RNPEP: variants seen among roughly 807,000 people sequenced by gnomAD.
The protein encoded by RNPEP is aminopeptidase B.
RNPEP carries 57 observed loss-of-function variants against 70.1 expected under a neutral mutation model. The observed-to-expected ratio is 0.81, with a 90% confidence interval of 0.66 to 1.01. The LOEUF (loss-of-function observed/expected upper bound fraction) is 1.01. Ranked by LOEUF, RNPEP falls within the 50% of genes least tolerant of loss-of-function variation. RNPEP has a pLI of 0.00. For missense variants in RNPEP, 787 were observed against 852.4 expected (o/e 0.92, Z 0.96); for synonymous variants, 335 against 357.4 (o/e 0.94, Z 0.71).
chr1:201,982,663 G>A lies in RNPEP; in HGVS notation c.-4G>A. On this transcript the variant is annotated 5_prime_UTR_variant, in exon 1 of 11. Transcript: ENST00000295640. Reference sequence around the variant, plus strand: ...CCCGGCCGGTGAGCAACGGCTCTGCGGCCATGGCGAGCGGCGAGCATTCCC... The same window carrying A: ...CCCGGCCGGTGAGCAACGGCTCTGCAGCCATGGCGAGCGGCGAGCATTCCC... 2 of 1,343,402 alleles carry A rather than the reference G, an allele frequency of 1.5e-6. No individual in the cohort carries two copies. The highest frequency in any genetic ancestry group is 1.9e-6 in the Non-Finnish European group (2 of 1,045,234). 83.2% of individuals were successfully genotyped at this position (1,343,402 alleles called of 1,614,324 possible). A position where few individuals can be genotyped will look rare whatever the true frequency, so the allele number is the denominator to read the frequency against.
chr1:201,989,676 A>AGCT, intron 3 of RNPEP, 145 bp downstream of exon 3: 1 of 769,762 alleles, frequency 1.3e-6, no homozygotes. Flanking sequence ...ATGCAGCATG[A>AGCT]GCACAGCTGG....
At position 201,997,303 on chromosome 1, in the gene RNPEP, C is replaced by T; in HGVS notation, c.855-16C>T. ...GGAAGCCAGGGCCTCTTGGTGACCT[C>T]CCCGCTTCTCGGCAGGTATGACTTG... is the stretch of plus-strand genomic sequence containing the variant. On this transcript the variant is annotated splice_polypyrimidine_tract_variant and intron_variant, in intron 4 of 10. Coordinates refer to ENST00000295640, the MANE Select transcript of RNPEP (RefSeq NM_020216.4). 6.2e-7 allele frequency: 1 copy of T among 1,608,616 alleles called. No homozygotes were observed. The highest frequency in any genetic ancestry group is 8.5e-7 in the Non-Finnish European group (1 of 1,174,994).
rs1683823748 is a variant in RNPEP at position 202,001,767 on chromosome 1, G to C, written c.1426G>C (p.Gly476Arg). 4.5e-6 allele frequency: 7 copies of C among 1,540,146 alleles called. No homozygotes were observed. Among genetic ancestry groups the C allele is most frequent in the Middle Eastern group, 1.7e-4 (1 of 5,936 alleles). Residue 476 changes from glycine (G) to arginine (R), a missense_variant and splice_region_variant, in exon 8 of 11, where the codon GGT (glycine) becomes CGT (arginine). Coordinates refer to ENST00000295640, the MANE Select transcript of RNPEP (RefSeq NM_020216.4). ...LKKKRVDIIP[G>R]FEFDRWLNTP... is the part of the protein sequence containing the mutation. ...GAAAAAGAGAGTGGATATCATTCCA[G>C]GTAAGCAGAGGAACTGGCCCACAGG...
rs1683905988 is a variant in RNPEP, at chr1:202,003,264, C to T, written c.1454C>T (p.Thr485Ile). The stretch of plus-strand genomic sequence containing the variant: ...TTTGAGTTTGATCGATGGCTGAATA[C>T]CCCCGGCTGGCCCCCGTACCTCCCT... Reference protein sequence around the residue: ...PGFEFDRWLNTPGWPPYLPDL... With the variant: ...PGFEFDRWLNIPGWPPYLPDL... The change falls in exon 9 of 11, where the codon ACC becomes ATC. Residue 485 changes from threonine (T) to isoleucine (I), a missense_variant. By Grantham distance (89) the Thr-to-Ile change is moderately conservative (BLOSUM62 -1). Transcript: ENST00000295640. The T allele has an allele frequency of 3.1e-6, 5 of 1,613,106 alleles. No homozygotes were observed. In the South Asian group the frequency reaches 3.3e-5, roughly 11 times the overall value.
chr1:201,985,291 T>G (rs1683095673), intron 1 of RNPEP, among the ~76,000 whole-genome samples: 1 of 152,078 alleles, frequency 6.6e-6, no homozygotes, highest in African/African-American at 2.4e-5. Flanking sequence ...TCTTATTGAC[T>G]GGTATAGTGG....
chr1:201,991,796 T>C (rs1328189573), intron 3 of RNPEP, among the ~76,000 whole-genome samples: 3 of 152,182 alleles, frequency 2.0e-5, no homozygotes, highest in African/African-American at 7.2e-5. Flanking sequence ...TGGATGACTG[T>C]CTTAAACCTT....
At chr1:202,004,762 G>T (rs764735686) in intron 10 of RNPEP, among the ~76,000 whole-genome samples, 2 of 152,264 alleles carry the variant, frequency 1.3e-5, no homozygotes, top group African/African-American at 2.4e-5. Flanking sequence ...CAGAGCCAAC[G>T]CAGAGGCGGG....
At chr1:201,989,073 C>A in intron 2 of RNPEP, 29 bp downstream of exon 2, 1 of 1,596,774 alleles carries the variant, frequency 6.3e-7, no homozygotes, top group East Asian at 2.2e-5. Context: ...GGTGCACCTG[C>A]CCTTGGGATG....
chr1:201,998,707 C>T (rs994494701), intron 5 of RNPEP, among the ~76,000 whole-genome samples: 1 of 151,978 alleles, frequency 6.6e-6, no homozygotes, highest in Middle Eastern at 3.2e-3. Context: ...TATTTTTATC[C>T]CATTGTACAG....
intron 3 of RNPEP, among the ~76,000 whole-genome samples, chr1:201,994,014 CAT>C (rs898177544): frequency 2.0e-5 from 3 of 151,480 alleles, no homozygotes; most frequent in Non-Finnish European, 2.9e-5. Flanking sequence ...ATACGGATAA[CAT>C]ATGTGATGCT....
chr1:202,001,201 A>G (rs1043285135), intron 6 of RNPEP, 175 bp from the exon 7 acceptor site: 3 of 600,618 alleles, frequency 5.0e-6, no homozygotes, highest in Non-Finnish European at 8.9e-6. Flanking sequence ...TGGCCTTGAG[A>G]GAGTCCAAGA....
intron 3 of RNPEP, among the ~76,000 whole-genome samples, chr1:201,991,899 T>C (rs1446239094): frequency 6.6e-6 from 1 of 152,140 alleles, no homozygotes; most frequent in East Asian, 1.9e-4. Flanking sequence ...AGTAATTCCT[T>C]GAAGATACTG....
rs1558257963 is a variant in RNPEP at position 201,984,821 on chromosome 1, C to CTTTTTTCTTTTTCT, written c.447+1714_447+1715insCTTTTTCTTTTTTT. Among the ~76,000 whole-genome samples, 23 of 122,044 alleles carry CTTTTTTCTTTTTCT rather than the reference C, an allele frequency of 1.9e-4. 1 individual carries two copies. Among genetic ancestry groups the CTTTTTTCTTTTTCT allele is most frequent in the African/African-American group, 5.8e-4 (18 of 30,984 alleles). The allele number at this position is 122,044 out of a possible 152,430, so 80.1% of individuals were successfully genotyped here. On this transcript the variant is annotated intron_variant, in intron 1 of 10. Transcript: ENST00000295640. ...TTACTGCTAACTTTTGTATTTCTTT[C>CTTTTTTCTTTTTCT]TTTTTTTTTTTTTTTTTTTTTTTTT...
At chr1:201,983,210 G>A (rs1683004762) in intron 1 of RNPEP, 97 bp downstream of exon 1, 9 of 1,403,478 alleles carry the variant, frequency 6.4e-6, no homozygotes, top group Non-Finnish European at 8.2e-6. Flanking sequence ...AGGAGGGACA[G>A]GGAGGACCCT....
In RNPEP at chr1:201,982,907, G is replaced by A. The variant is rs1012614215; in HGVS notation, c.241G>A (p.Asp81Asn). ...EPEGAAELRLDSHPCLEVTAA... is the reference protein window; with the variant it reads ...EPEGAAELRLNSHPCLEVTAA... The stretch of plus-strand genomic sequence containing the variant: ...CGAGGGCGCCGCCGAGCTGCGGCTG[G>A]ACTCGCACCCGTGCCTGGAGGTGAC... The change falls in exon 1 of 11, where the codon GAC (aspartate) becomes AAC (asparagine). Residue 81 changes from aspartate to asparagine, a missense_variant. By Grantham distance (23) the Asp-to-Asn change is conservative. Transcript: ENST00000295640. 8 of 1,460,552 alleles carry A rather than the reference G, an allele frequency of 5.5e-6. No individual in the cohort carries two copies. In the African/African-American group the frequency reaches 1.2e-4, roughly 22 times the overall value. The allele number at this position is 1,460,552 out of a possible 1,614,324, so 90.5% of individuals were successfully genotyped here. A position where few individuals can be genotyped will look rare whatever the true frequency, so the allele number is the denominator to read the frequency against.
intron 4 of RNPEP, 27 bp downstream of exon 4, chr1:201,996,290 C>A: frequency 6.9e-7 from 1 of 1,456,314 alleles, no homozygotes; most frequent in African/African-American, 1.4e-5. Context: ...ACTCTAGTGT[C>A]TCCTGTTAAA....
Position 201,989,033 on chromosome 1 carries a change from G to A in RNPEP, c.577G>A (p.Ala193Thr). ...GCCTGCTGTTAAATACAAGTATTCA[G>A]CTCTTATTGAGGTAAGGAGACTAAG... is the stretch of plus-strand genomic sequence containing the variant. ...DTPAVKYKYS[A>T]LIEVPDGFTA... is the part of the protein sequence containing the mutation. Residue 193 changes from alanine (A) to threonine (T), a missense_variant, in exon 2 of 11, where the codon GCT becomes ACT. By Grantham distance (58) the Ala-to-Thr change is moderately conservative. Transcript: ENST00000295640. The A allele has an allele frequency of 5.6e-6, 9 of 1,613,982 alleles. No individual in the cohort carries two copies. The highest frequency in any genetic ancestry group is 7.6e-6 in the Non-Finnish European group (9 of 1,179,972).
rs1290213716 is a variant in RNPEP, at chr1:201,996,507, G to GTGTGTGTA, written c.854+245_854+246insGTGTGTAT. On this transcript the variant is annotated intron_variant, in intron 4 of 10. Coordinates refer to ENST00000295640, the MANE Select transcript of RNPEP (RefSeq NM_020216.4). ...TGTGTGTGTGTGTGTGTGTGTGTGT[G>GTGTGTGTA]TTTTGAGATGGAGTCTCGCTCTGTC... 2.6e-5 allele frequency: 10 copies of GTGTGTGTA among 378,274 alleles called. No homozygotes were observed. In the East Asian group the frequency reaches 2.8e-4, roughly 11 times the overall value. The allele number at this position is 378,274 out of a possible 1,614,324, so 23.4% of individuals were successfully genotyped here.
chr1:202,004,523 C>A, intron 10 of RNPEP, 27 bp downstream of exon 10: 1 of 1,610,026 alleles, frequency 6.2e-7, no homozygotes, highest in Non-Finnish European at 8.5e-7. Flanking sequence ...TCGCTGTTCC[C>A]GAAAGCACAC....
Sources: gnomAD v4.1 joint callset for allele counts (sites outside exome capture counted in the v4.1 genomes callset) on GRCh38, gnomAD v4.1.1 for gene constraint, MANE v1.5 for transcripts, NCBI Gene and HGNC (gene_info 2026-07-23, HGNC 2026-07-21) for gene names.